Variants in SLCO3A1 observed in about 807,000 individuals in gnomAD.
SLCO3A1 encodes solute carrier organic anion transporter family member 3A1.
A neutral mutation model predicts 63.1 loss-of-function variants in SLCO3A1; 27 were observed. That is an observed-to-expected ratio of 0.43 (90% confidence interval 0.32 to 0.59). The LOEUF (loss-of-function observed/expected upper bound fraction) is 0.59. Ranked by LOEUF, SLCO3A1 falls within the 20% of genes least tolerant of loss-of-function variation. The pLI is 0.09. For synonymous variants in SLCO3A1, 473 were observed against 409.9 expected, an observed-to-expected ratio of 1.15 and a Z score of -1.86; for missense variants, 773 against 945.8, an observed-to-expected ratio of 0.82 and a Z score of 2.40.
At chr15:91,970,375 C>G (rs866226342) in intron 2 of SLCO3A1, among the ~76,000 whole-genome samples, 1 of 152,208 alleles carries the variant, frequency 6.6e-6, no homozygotes, top group Non-Finnish European at 1.5e-5. Flanking sequence ...TGGGCTCCAT[C>G]ACACCCTGGA....
intron 8 of SLCO3A1, among the ~76,000 whole-genome samples, chr15:92,150,660 C>T (rs536681786): frequency 2.8e-4 from 43 of 152,082 alleles, no homozygotes; most frequent in African/African-American, 1.0e-3. Flanking sequence ...TCTTTAAACG[C>T]AGGTTTTATG....
intron 2 of SLCO3A1, among the ~76,000 whole-genome samples, chr15:92,045,987 C>CT: frequency 6.6e-6 from 1 of 152,198 alleles, no homozygotes; most frequent in African/African-American, 2.4e-5. Flanking sequence ...TGGGCAAGCT[C>CT]TAAGTGTTAA....
rs140831766 is a variant in SLCO3A1, at chr15:91,964,338, A to C, written c.646+47880A>C. ...GTCATTTTTAGGTGAAATATTTGATAGTGCTTTATACTTTCTACCCTTTTT... is the reference window on the plus strand; with the variant it reads ...GTCATTTTTAGGTGAAATATTTGATCGTGCTTTATACTTTCTACCCTTTTT... On this transcript the variant is annotated intron_variant, in intron 2 of 9. Transcript: ENST00000318445. Among the ~76,000 whole-genome samples, 571 of 151,986 alleles carry C rather than the reference A, an allele frequency of 3.8e-3. 6 individuals are homozygous for C. Among genetic ancestry groups the C allele is most frequent in the African/African-American group, 0.013 (548 of 41,414 alleles).
intron 2 of SLCO3A1, among the ~76,000 whole-genome samples, chr15:92,018,871 G>A (rs539657555): frequency 6.6e-6 from 1 of 152,326 alleles, no homozygotes; most frequent in South Asian, 2.1e-4. Context: ...GTGACCCTCA[G>A]TTACGATAAT....
At position 92,094,893 on chromosome 15, in the gene SLCO3A1, C is replaced by T. The variant is rs111286820; in HGVS notation, c.659C>T (p.Thr220Met). Residue 220 changes from threonine (T) to methionine (M), a missense_variant, in exon 3 of 10, where the codon ACG becomes ATG. Around this residue, in one of 3 missense-constraint regions of SLCO3A1, gnomAD observed 565 missense variants for 749.8 expected, o/e 0.75. Transcript: ENST00000318445. ...CATCTTCCTTCAGGAATCCTGTTCA[C>T]GATGCTGGTATTTGGACCAGCCTGC... ...DSSLYIGILF[T>M]MLVFGPACGF... 4.3e-6 allele frequency: 7 copies of T among 1,612,154 alleles called. No individual in the cohort carries two copies. Among genetic ancestry groups the T allele is most frequent in the East Asian group, 2.2e-5 (1 of 44,886 alleles).
intron 1 of SLCO3A1, among the ~76,000 whole-genome samples, chr15:91,881,527 C>T (rs537657374): frequency 6.6e-6 from 1 of 151,972 alleles, no homozygotes; most frequent in East Asian, 1.9e-4. Context: ...CAGACTAACC[C>T]GCCCCCTTCC....
intron 9 of SLCO3A1, among the ~76,000 whole-genome samples, chr15:92,157,796 G>A (rs1340415862): frequency 2.0e-5 from 3 of 152,064 alleles, no homozygotes; most frequent in East Asian, 1.9e-4. Context: ...TTTTTGGAGC[G>A]CCCACCCTGT....
rs557874145 is a variant in SLCO3A1, at chr15:91,957,125, AAT to A, written c.646+40675_646+40676del. Among the ~76,000 whole-genome samples, 13 of 8,742 alleles carry A rather than the reference AAT, an allele frequency of 1.5e-3. 2 individuals are homozygous for A. Among genetic ancestry groups the A allele is most frequent in the African/African-American group, 4.9e-3 (8 of 1,626 alleles). The allele number at this position is 8,742 out of a possible 152,430, so 5.7% of individuals were successfully genotyped here. A position where few individuals can be genotyped will look rare whatever the true frequency, so the allele number is the denominator to read the frequency against. On this transcript the variant is annotated intron_variant, in intron 2 of 9. Coordinates refer to ENST00000318445, the MANE Select transcript of SLCO3A1 (RefSeq NM_013272.4). ...TAATATATATATATATAATATATAT[AAT>A]ATATATACTATATATTATAATATAT...
rs1207369433 is a variant in SLCO3A1, at chr15:92,060,818, TTTTA to T, written c.647-34059_647-34056del. On this transcript the variant is annotated intron_variant, in intron 2 of 9. Transcript: ENST00000318445. ...CCCGGCCGGTACTTTTTAATAAAAT[TTTTA>T]TTTTTGTTCACTTTTTAAACATTTT... 2.6e-5 allele frequency among the ~76,000 whole-genome samples: 4 copies of T among 152,282 alleles called. No individual in the cohort carries two copies. The East Asian group carries it at 7.8e-4, about 30-fold the overall frequency.
intron 2 of SLCO3A1, among the ~76,000 whole-genome samples, chr15:92,015,592 T>C (rs1358842202): frequency 1.3e-5 from 2 of 151,856 alleles, no homozygotes; most frequent in African/African-American, 4.8e-5. Flanking sequence ...AGCCAAACCA[T>C]ATTGGGTTTA....
intron 2 of SLCO3A1, among the ~76,000 whole-genome samples, chr15:91,978,750 C>A (rs532654089): frequency 6.6e-6 from 1 of 152,308 alleles, no homozygotes; most frequent in African/African-American, 2.4e-5. Flanking sequence ...TTAATGGATT[C>A]ATATATGAAT....
chr15:92,089,319 C>G (rs900221619), intron 2 of SLCO3A1, among the ~76,000 whole-genome samples: 3 of 152,172 alleles, frequency 2.0e-5, no homozygotes, highest in Non-Finnish European at 4.4e-5. Context: ...AGCCACCACG[C>G]CCAGCCACCC....
chr15:91,993,081 C>T (rs908326163), intron 2 of SLCO3A1, among the ~76,000 whole-genome samples: 6 of 152,154 alleles, frequency 3.9e-5, no homozygotes, highest in African/African-American at 1.4e-4. Context: ...TAAGCAGCCT[C>T]CACTTGGTTT....
intron 9 of SLCO3A1, among the ~76,000 whole-genome samples, chr15:92,151,502 G>A (rs2048305386): frequency 1.3e-5 from 2 of 152,102 alleles, no homozygotes; most frequent in Admixed American, 6.5e-5. Flanking sequence ...TCATGCTATA[G>A]GGCCCACGTT....
intron 2 of SLCO3A1, among the ~76,000 whole-genome samples, chr15:91,966,983 T>G (rs1283357182): frequency 2.0e-5 from 3 of 151,880 alleles, no homozygotes; most frequent in African/African-American, 4.8e-5. Context: ...GTGGTGCAGT[T>G]TTTTGGGGAT....
intron 5 of SLCO3A1, among the ~76,000 whole-genome samples, chr15:92,125,084 T>G (rs2047905228): frequency 6.6e-6 from 1 of 152,196 alleles, no homozygotes; most frequent in African/African-American, 2.4e-5. Context: ...GCTGTTTTCT[T>G]GCAGAGCTAT....
At chr15:92,044,921 C>CG (rs1424658258) in intron 2 of SLCO3A1, among the ~76,000 whole-genome samples, 7 of 152,152 alleles carry the variant, frequency 4.6e-5, no homozygotes, top group South Asian at 2.1e-4. Flanking sequence ...CCTGAACACC[C>CG]TCTGAGCATC....
intron 2 of SLCO3A1, among the ~76,000 whole-genome samples, chr15:92,089,340 A>C (rs2047444141): frequency 6.6e-6 from 1 of 152,104 alleles, no homozygotes; most frequent in Non-Finnish European, 1.5e-5. Context: ...CAGCTTTATT[A>C]AAGTTCATCT....
At chr15:91,864,232 T>C (rs1457810806) in intron 1 of SLCO3A1, among the ~76,000 whole-genome samples, 1 of 152,206 alleles carries the variant, frequency 6.6e-6, no homozygotes, top group Non-Finnish European at 1.5e-5. Context: ...TATAACATCG[T>C]AGAATCTCTG....
Sources: gnomAD v4.1 joint callset for allele counts (sites outside exome capture counted in the v4.1 genomes callset) on GRCh38, gnomAD v4.1.1 for gene constraint, gnomAD v4.1.1 regional missense constraint, MANE v1.5 for transcripts, NCBI Gene and HGNC (gene_info 2026-07-23, HGNC 2026-07-21) for gene names.